SUGCT: variants seen among roughly 807,000 people sequenced by gnomAD.
SUGCT encodes the protein succinyl-CoA:glutarate-CoA transferase.
In SUGCT, 41 loss-of-function variants were observed where a neutral mutation model predicts 55.0. The ratio of observed to expected loss-of-function variants is 0.74; its 90% confidence interval spans 0.58 to 0.97. SUGCT has a LOEUF of 0.97. Ranked by LOEUF, SUGCT falls within the 50% of genes least tolerant of loss-of-function variation. The pLI, the probability that SUGCT is intolerant of heterozygous loss-of-function variation, is 0.00. For synonymous variants in SUGCT, 187 were observed against 200.4 expected (o/e 0.93, Z 0.56); for missense variants, 568 against 547.8 (o/e 1.04, Z -0.37).
chr7:40,143,248 G>C (rs1584160943), intron 1 of SUGCT, among the ~76,000 whole-genome samples: 2 of 152,210 alleles, frequency 1.3e-5, no homozygotes, highest in Non-Finnish European at 2.9e-5. Flanking sequence ...AATAAGGGCA[G>C]ACTGATAGGT....
intron 12 of SUGCT, among the ~76,000 whole-genome samples, chr7:40,626,411 A>ATT (rs1218799947): frequency 7.0e-5 from 10 of 141,906 alleles, no homozygotes; most frequent in African/African-American, 2.3e-4. Flanking sequence ...CGTGTGCCTA[A>ATT]TTTTTTTTTT....
At chr7:40,454,447 A>T (rs1001955058) in intron 10 of SUGCT, among the ~76,000 whole-genome samples, 1 of 152,188 alleles carries the variant, frequency 6.6e-6, no homozygotes, top group African/African-American at 2.4e-5. Flanking sequence ...CATAGAGTGT[A>T]CTTACACAAA....
chr7:41,012,295 G>A, the SUGCT span, among the ~76,000 whole-genome samples: 1 of 152,200 alleles, frequency 6.6e-6, no homozygotes, highest in South Asian at 2.1e-4. Flanking sequence ...CAAGCTCACT[G>A]CCTTTCTTTG....
At chr7:40,967,103 G>C in the SUGCT span, 1 of 152,140 alleles carries the variant, frequency 6.6e-6, no homozygotes, top group South Asian at 2.1e-4. Flanking sequence ...CACAACTTAG[G>C]TGTTTCTCAG....
At chr7:40,333,680 TATATATATATATATATATATATAA>T (rs1442978403) in intron 9 of SUGCT, among the ~76,000 whole-genome samples, 6 of 110,704 alleles carry the variant, frequency 5.4e-5, no homozygotes, top group Non-Finnish European at 8.8e-5. Flanking sequence ...TATATATATA[TATATATATATATATATATATATAA>T]ATATTTATAA....
intron 7 of SUGCT, among the ~76,000 whole-genome samples, chr7:40,250,828 C>CTTCTTTTTTTTTTTTTTTTT (rs1253390486): frequency 8.2e-6 from 1 of 121,266 alleles, no homozygotes; most frequent in African/African-American, 3.7e-5. Flanking sequence ...TTTCACGCTT[C>CTTCTTTTTTTTTTTTTTTTT]TTTTTTTTTT....
In SUGCT at chr7:40,135,125, C is replaced by T. The variant is rs1787608227; in HGVS notation, c.100+5C>T. On this transcript the variant is annotated splice_donor_5th_base_variant and intron_variant, in intron 1 of 13. Coordinates refer to ENST00000335693, the MANE Select transcript of SUGCT (RefSeq NM_001193313.2). ...GGACTGGCCGCCCGCAGTCAGGTAC[C>T]CTCCGAGATTCGGTCTGGGTGGCTA... 3 of 1,550,178 alleles carry T rather than the reference C, an allele frequency of 1.9e-6. No individual in the cohort carries two copies. Among genetic ancestry groups the T allele is most frequent in the Non-Finnish European group, 1.7e-6 (2 of 1,147,798 alleles).
chr7:40,800,920 G>A (rs1415376652), intron 13 of SUGCT, among the ~76,000 whole-genome samples: 1 of 152,160 alleles, frequency 6.6e-6, no homozygotes, highest in Non-Finnish European at 1.5e-5. Flanking sequence ...CAGAGATATG[G>A]AAACTTGAGA....
intron 12 of SUGCT, among the ~76,000 whole-genome samples, chr7:40,725,558 A>C (rs1242946490): frequency 6.6e-6 from 1 of 151,340 alleles, no homozygotes; most frequent in Non-Finnish European, 1.5e-5. Context: ...GACATTGAGC[A>C]GTAGGGACCT....
chr7:40,544,058 C>T, intron 12 of SUGCT, among the ~76,000 whole-genome samples: 1 of 151,526 alleles, frequency 6.6e-6, no homozygotes, highest in Non-Finnish European at 1.5e-5. Flanking sequence ...TTAGAGATCC[C>T]TTTTGAGATC....
At chr7:40,923,585 C>G in the SUGCT span, among the ~76,000 whole-genome samples, 2 of 151,998 alleles carry the variant, frequency 1.3e-5, no homozygotes, top group Admixed American at 1.3e-4. Flanking sequence ...ATTCACAGGC[C>G]CCTAAATCTT....
intron 7 of SUGCT, among the ~76,000 whole-genome samples, chr7:40,262,669 A>G (rs1386536567): frequency 6.6e-6 from 1 of 151,902 alleles, no homozygotes; most frequent in African/African-American, 2.4e-5. Flanking sequence ...TCTCTCAAAA[A>G]AAAGAACAAG....
chr7:40,986,249 A>G, the SUGCT span, among the ~76,000 whole-genome samples: 1 of 152,238 alleles, frequency 6.6e-6, no homozygotes, highest in Admixed American at 6.5e-5. Flanking sequence ...ACCCCTTTCA[A>G]ACATGTATCA....
chr7:40,674,418 A>T (rs1173358122), intron 12 of SUGCT, among the ~76,000 whole-genome samples: 1 of 152,228 alleles, frequency 6.6e-6, no homozygotes, highest in African/African-American at 2.4e-5. Flanking sequence ...ACATTTTATG[A>T]AATGTCCTTC....
chr7:40,168,236 A>G (rs1254005236), intron 1 of SUGCT, among the ~76,000 whole-genome samples: 2 of 152,184 alleles, frequency 1.3e-5, no homozygotes, highest in African/African-American at 2.4e-5. Context: ...ACCCCCCAAC[A>G]GGAAAACCCA....
chr7:40,154,702 G>A (rs1783795106), intron 1 of SUGCT, among the ~76,000 whole-genome samples: 1 of 152,106 alleles, frequency 6.6e-6, no homozygotes, highest in Non-Finnish European at 1.5e-5. Context: ...GAAAGGCAGA[G>A]AACATAATTA....
intron 9 of SUGCT, among the ~76,000 whole-genome samples, chr7:40,318,824 G>A (rs1024966815): frequency 6.6e-6 from 1 of 152,222 alleles, no homozygotes; most frequent in Non-Finnish European, 1.5e-5. Context: ...ACATAGGTAG[G>A]TGTTCACTGT....
intron 1 of SUGCT, among the ~76,000 whole-genome samples, chr7:40,171,864 A>T (rs1478700356): frequency 6.6e-6 from 1 of 152,236 alleles, no homozygotes; most frequent in Non-Finnish European, 1.5e-5. Context: ...TTATAGAGTC[A>T]CGGAGAAGAT....
chr7:40,624,761 G>A (rs967380688), intron 12 of SUGCT, among the ~76,000 whole-genome samples: 8 of 138,896 alleles, frequency 5.8e-5, no homozygotes, highest in African/African-American at 8.4e-5. Context: ...TCTGTAAAAC[G>A]TTTCTGTGCA....
Sources: allele counts gnomAD v4.1 joint callset (sites outside exome capture counted in the v4.1 genomes callset), GRCh38; gene constraint gnomAD v4.1.1; transcripts MANE v1.5; gene names NCBI Gene and HGNC (gene_info 2026-07-23, HGNC 2026-07-21).